The following LRP1B variants were observed in gnomAD, a reference collection of about 807,000 sequenced individuals.
The protein encoded by LRP1B is LDL receptor related protein 1B, also known as low-density lipoprotein receptor-related protein 1B.
In LRP1B, 217 loss-of-function variants were observed where a neutral mutation model predicts 556.6. The observed-to-expected ratio is 0.39, with a 90% CI of 0.35 to 0.44. The LOEUF (loss-of-function observed/expected upper bound fraction) is 0.44, where lower values mean the gene tolerates loss of function less well. Among genes scored for constraint, LRP1B ranks in the 20% least tolerant of loss-of-function variants. The probability of loss-of-function intolerance (pLI) is 1.00; values close to 1 mark genes in which losing one functional copy is unlikely to be tolerated. For missense variants in LRP1B, 5,053 were observed against 5,620.8 expected, an observed-to-expected ratio of 0.90 and a Z score of 3.23; for synonymous variants, 2,047 against 1,865.8, an observed-to-expected ratio of 1.10 and a Z score of -2.50.
intron 1 of LRP1B, among the ~76,000 whole-genome samples, chr2:142,103,253 G>C (rs927077922): frequency 6.6e-6 from 1 of 151,824 alleles, no homozygotes; most frequent in African/African-American, 2.4e-5. Context: ...AGATTAATTT[G>C]TGTAAATTAA....
chr2:140,384,770 G>A (rs1054368872), intron 67 of LRP1B, among the ~76,000 whole-genome samples: 1 of 151,984 alleles, frequency 6.6e-6, no homozygotes, highest in Non-Finnish European at 1.5e-5. Context: ...TCTGCGTCTG[G>A]GGAAATGAAT....
At chr2:140,651,636 T>C (rs1416206557) in intron 41 of LRP1B, among the ~76,000 whole-genome samples, 3 of 151,758 alleles carry the variant, frequency 2.0e-5, no homozygotes, top group Non-Finnish European at 4.4e-5. Flanking sequence ...GAATTGTAGT[T>C]CAGTGTATAT....
At position 140,715,975 on chromosome 2, in the gene LRP1B, T is replaced by G. The variant is rs1488314160; in HGVS notation, c.6021A>C (p.Lys2007Asn). 3.2e-6 allele frequency: 5 copies of G among 1,569,334 alleles called. No individual in the cohort carries two copies. The highest frequency in any genetic ancestry group is 1.8e-5 in the Admixed American group (1 of 54,152). Residue 2007 changes from lysine (K) to asparagine (N), a missense_variant and splice_region_variant, in exon 37 of 91, where the codon AAA (lysine) becomes AAC (asparagine). Coordinates refer to ENST00000389484, the MANE Select transcript of LRP1B (RefSeq NM_018557.3). ...ATATACGTAAATCTTAAAATTACCC[T>G]TTCTCTGGGTGCACAGCTATAGATC... ...QPRSIAVHPE[K>N]GLLFWTEWGQ... is the part of the protein sequence containing the mutation.
At chr2:141,507,150 C>G (rs1683961677) in intron 2 of LRP1B, among the ~76,000 whole-genome samples, 1 of 152,030 alleles carries the variant, frequency 6.6e-6, no homozygotes, top group Non-Finnish European at 1.5e-5. Flanking sequence ...AGAAATTTTG[C>G]AGCATCTTGC....
At chr2:141,000,573 T>C (rs1203000573) in intron 15 of LRP1B, among the ~76,000 whole-genome samples, 1 of 151,986 alleles carries the variant, frequency 6.6e-6, no homozygotes, top group Non-Finnish European at 1.5e-5. Context: ...AGGGTCAGTG[T>C]ATACCCCAGT....
At chr2:141,744,162 T>G (rs1693827229) in intron 2 of LRP1B, among the ~76,000 whole-genome samples, 1 of 152,094 alleles carries the variant, frequency 6.6e-6, no homozygotes, top group Admixed American at 6.5e-5. Flanking sequence ...TTTCAGTGTA[T>G]CCCATAGATT....
At chr2:142,108,393 G>A (rs922398127) in intron 1 of LRP1B, among the ~76,000 whole-genome samples, 6 of 149,352 alleles carry the variant, frequency 4.0e-5, no homozygotes, top group African/African-American at 1.5e-4. Context: ...TATCCACTAA[G>A]AGTGTAATTT....
intron 41 of LRP1B, among the ~76,000 whole-genome samples, chr2:140,613,168 A>G (rs1474371613): frequency 6.7e-6 from 1 of 149,052 alleles, no homozygotes; most frequent in Non-Finnish European, 1.5e-5. Flanking sequence ...AGGCAGGCAC[A>G]TTAAAGGGGT....
At chr2:141,937,666 TA>T (rs1207820305) in intron 1 of LRP1B, among the ~76,000 whole-genome samples, 553 of 144,124 alleles carry the variant, frequency 3.8e-3, no homozygotes, top group African/African-American at 6.9e-3. Flanking sequence ...GCACCTAAAT[TA>T]AAAAAAAAAA....
chr2:141,727,639 A>C (rs187186665), intron 2 of LRP1B, among the ~76,000 whole-genome samples: 116 of 152,282 alleles, frequency 7.6e-4, no homozygotes, highest in Admixed American at 9.2e-4. Context: ...AGAATGGAAT[A>C]AATTCTACTA....
At chr2:140,627,828 TCAA>T (rs1484980162) in intron 41 of LRP1B, among the ~76,000 whole-genome samples, 1 of 152,212 alleles carries the variant, frequency 6.6e-6, no homozygotes, top group Admixed American at 6.5e-5. Context: ...TTTGCCACTT[TCAA>T]CAACGTTTTA....
At chr2:140,697,922 C>A (rs1031599901) in intron 41 of LRP1B, among the ~76,000 whole-genome samples, 12 of 152,080 alleles carry the variant, frequency 7.9e-5, no homozygotes, top group Admixed American at 2.6e-4. Context: ...TGGGTAAAAT[C>A]TCAAATGTTA....
intron 1 of LRP1B, among the ~76,000 whole-genome samples, chr2:142,022,301 T>A (rs1703354045): frequency 6.8e-6 from 1 of 147,316 alleles, no homozygotes; most frequent in South Asian, 2.6e-4. Flanking sequence ...AACAGTGAAA[T>A]ACTGTTTAAT....
At position 140,495,039 on chromosome 2, in the gene LRP1B, A is replaced by G. The variant is rs962165391; in HGVS notation, c.9034+526T>C. Among the ~76,000 whole-genome samples the G allele has an allele frequency of 5.3e-5, 8 of 152,280 alleles. No individual in the cohort carries two copies. The East Asian group carries it at 1.2e-3, about 22-fold the overall frequency. ...CCATGCTTTATTAAATGTATAATTT[A>G]CAGGATCAAATACACTCCTTGGAAT... On this transcript the variant is annotated intron_variant, in intron 56 of 90. Coordinates refer to ENST00000389484, the MANE Select transcript of LRP1B (RefSeq NM_018557.3).
At chr2:141,433,211 A>G (rs532692907) in intron 3 of LRP1B, among the ~76,000 whole-genome samples, 1 of 151,938 alleles carries the variant, frequency 6.6e-6, no homozygotes, top group African/African-American at 2.4e-5. Context: ...TCCTTCTGTT[A>G]TTGATTTCTA....
At chr2:141,802,223 G>A (rs1018309035) in intron 2 of LRP1B, among the ~76,000 whole-genome samples, 7 of 152,016 alleles carry the variant, frequency 4.6e-5, no homozygotes, top group African/African-American at 7.2e-5. Context: ...TCAGTTTGAG[G>A]GATTCTCCTC....
chr2:141,354,625 G>A (rs1688560212), intron 3 of LRP1B, among the ~76,000 whole-genome samples: 1 of 151,930 alleles, frequency 6.6e-6, no homozygotes, highest in Non-Finnish European at 1.5e-5. Context: ...AAACGACCGA[G>A]GAGGAAAAAA....
intron 41 of LRP1B, among the ~76,000 whole-genome samples, chr2:140,665,411 A>C (rs147912078): frequency 6.6e-6 from 1 of 152,144 alleles, no homozygotes; most frequent in Non-Finnish European, 1.5e-5. Flanking sequence ...TACAACATAG[A>C]CTCTATGAAA....
chr2:140,473,000 T>C (rs919333750), intron 60 of LRP1B, among the ~76,000 whole-genome samples: 2 of 152,088 alleles, frequency 1.3e-5, no homozygotes, highest in South Asian at 4.1e-4. Flanking sequence ...AAGTTATCGA[T>C]ATAAATGTCT....
Sources: allele counts gnomAD v4.1 joint callset (sites outside exome capture counted in the v4.1 genomes callset), GRCh38; gene constraint gnomAD v4.1.1; transcripts MANE v1.5; gene names NCBI Gene and HGNC (gene_info 2026-07-23, HGNC 2026-07-21).